RBM44: variants seen among roughly 807,000 people sequenced by gnomAD.
The protein encoded by RBM44 is RNA-binding protein 44.
A neutral mutation model predicts 105.1 loss-of-function variants in RBM44; 66 were observed. The observed-to-expected ratio is 0.63, with a 90% CI of 0.52 to 0.77. The LOEUF (loss-of-function observed/expected upper bound fraction) is 0.77. RBM44 is among the 30% of genes least tolerant of loss of function. RBM44 has a pLI of 0.00. For synonymous variants in RBM44, 365 were observed against 417.6 expected, an observed-to-expected ratio of 0.87 and a Z score of 1.54; for missense variants, 1,122 against 1,207.8, an observed-to-expected ratio of 0.93 and a Z score of 1.05.
intron 1 of RBM44, among the ~76,000 whole-genome samples, chr2:237,812,526 T>A (rs1325650945): frequency 6.6e-6 from 1 of 152,224 alleles, no homozygotes; most frequent in Non-Finnish European, 1.5e-5. Flanking sequence ...ATCTGCTTTT[T>A]AATATCTTCT....
At chr2:237,820,816 G>A (rs1308607911) in intron 5 of RBM44, 3 of 328,576 alleles carry the variant, frequency 9.1e-6, no homozygotes, top group Non-Finnish European at 1.6e-5. Flanking sequence ...GGGAAGCTGA[G>A]GCAGGAGAAT....
At chr2:237,822,617 T>A (rs1413677769) in intron 8 of RBM44, among the ~76,000 whole-genome samples, 5 of 152,220 alleles carry the variant, frequency 3.3e-5, no homozygotes, top group Middle Eastern at 3.4e-3. Context: ...AATTCTTTTT[T>A]AAAAAATCTC....
intron 1 of RBM44, among the ~76,000 whole-genome samples, chr2:237,809,075 A>G (rs1015553703): frequency 4.6e-5 from 7 of 152,186 alleles, no homozygotes; most frequent in African/African-American, 1.7e-4. Context: ...CATGACCCTT[A>G]ATAACACAAT....
rs182081571 is a variant in RBM44 at position 237,801,915 on chromosome 2, A to T, written c.-19+3054A>T. ...ACTTTGTGAATCCCAAAGTAGGTACAGGTTATATTTTTCTTGGTGAGAATT... is the reference window on the plus strand; with the variant it reads ...ACTTTGTGAATCCCAAAGTAGGTACTGGTTATATTTTTCTTGGTGAGAATT... On this transcript the variant is annotated intron_variant, in intron 1 of 15. Transcript: ENST00000316997. Among the ~76,000 whole-genome samples, 31 of 152,180 alleles carry T rather than the reference A, an allele frequency of 2.0e-4. No homozygotes were observed. In the East Asian group the frequency reaches 5.2e-3, roughly 26 times the overall value.
chr2:237,838,943 C>G (rs1054002465), intron 15 of RBM44, among the ~76,000 whole-genome samples: 4 of 152,192 alleles, frequency 2.6e-5, no homozygotes, highest in Non-Finnish European at 5.9e-5. Flanking sequence ...TGTAGTTGCC[C>G]TCTGCCTAGC....
rs2062020546 is a variant in RBM44 at position 237,842,402 on chromosome 2, T to A, written c.*586T>A. ...GTCATGATACATTTCATGCATTTTT[T>A]ATGACTTCAGTATAAAACATTCAGG... is the stretch of plus-strand genomic sequence containing the variant. On this transcript the variant is annotated 3_prime_UTR_variant, in exon 16 of 16. Coordinates refer to ENST00000316997, the MANE Select transcript of RBM44 (RefSeq NM_001080504.3). 6.6e-6 allele frequency: 1 copy of A among 152,130 alleles called. No homozygotes were observed. The highest frequency in any genetic ancestry group is 1.5e-5 in the Non-Finnish European group (1 of 67,958). The allele number at this position is 152,130 out of a possible 1,614,324, so 9.4% of individuals were successfully genotyped here. A position where few individuals can be genotyped will look rare whatever the true frequency, so the allele number is the denominator to read the frequency against.
chr2:237,821,352 A>C lies in RBM44; in HGVS notation c.2104A>C (p.Lys702Gln), dbSNP rs1160847467. Residue 702 changes from lysine to glutamine, a missense_variant, in exon 7 of 16, where the codon AAA (lysine) becomes CAA (glutamine). Physicochemically the swap from Lys to Gln is moderately conservative, Grantham distance 53 (BLOSUM62 1). Around this residue, in one of 3 missense-constraint regions of RBM44, gnomAD observed 918 missense variants for 955.3 expected, o/e 0.96. Coordinates refer to ENST00000316997, the MANE Select transcript of RBM44 (RefSeq NM_001080504.3). ...TCCTTTTCTCTCCTTCCAGCTAATGAAAAAAGAAACACATGTGTGAGTTAT... is the reference window on the plus strand; with the variant it reads ...TCCTTTTCTCTCCTTCCAGCTAATGCAAAAAGAAACACATGTGTGAGTTAT... ...TFSTFASRLM[K>Q]KETHVFSEAD... The C allele has an allele frequency of 5.1e-6, 8 of 1,563,856 alleles. No homozygotes were observed. The East Asian group carries it at 1.8e-4, about 36-fold the overall frequency.
intron 1 of RBM44, among the ~76,000 whole-genome samples, chr2:237,799,902 T>C (rs1265682858): frequency 6.6e-6 from 1 of 152,162 alleles, no homozygotes; most frequent in African/African-American, 2.4e-5. Flanking sequence ...GCGAGTCCTG[T>C]GGTTTCTGGC....
At position 237,842,185 on chromosome 2, in the gene RBM44, G is replaced by A. The variant is rs1002480995; in HGVS notation, c.*369G>A. 6.6e-6 allele frequency: 1 copy of A among 152,008 alleles called. No individual in the cohort carries two copies. The highest frequency in any genetic ancestry group is 2.4e-5 in the African/African-American group (1 of 41,424). 9.4% of individuals were successfully genotyped at this position (152,008 alleles called of 1,614,324 possible). A position where few individuals can be genotyped will look rare whatever the true frequency, so the allele number is the denominator to read the frequency against. Reference sequence around the variant, plus strand: ...ACTTTTAAAATGTATTGACCAAGAAGGAGGTTTGTTGTTACATCAATGTTT... The same window carrying A: ...ACTTTTAAAATGTATTGACCAAGAAAGAGGTTTGTTGTTACATCAATGTTT... On this transcript the variant is annotated 3_prime_UTR_variant, in exon 16 of 16. Coordinates refer to ENST00000316997, the MANE Select transcript of RBM44 (RefSeq NM_001080504.3).
intron 10 of RBM44, among the ~76,000 whole-genome samples, chr2:237,827,033 CTT>C (rs2061854233): frequency 6.6e-6 from 1 of 152,114 alleles, no homozygotes; most frequent in African/African-American, 2.4e-5. Context: ...AACCCAGCCT[CTT>C]TAGTTTTTAA....
intron 5 of RBM44, 127 bp downstream of exon 5, chr2:237,820,478 T>C (rs1456693988): frequency 5.0e-6 from 3 of 597,540 alleles, no homozygotes; most frequent in Non-Finnish European, 8.5e-6. Context: ...CTGGGTTTGT[T>C]AGTTAGCCTA....
rs1288128045 is a variant in RBM44, at chr2:237,817,957, T to G, written c.1038T>G (p.Ile346Met). Reference protein sequence around the residue: ...NEGKDFCGNKIVENKILLHLE... With the variant: ...NEGKDFCGNKMVENKILLHLE... ...GTAAAGATTTTTGTGGAAATAAAAT[T>G]GTTGAGAACAAAATATTACTGCACC... Residue 346 changes from isoleucine (I) to methionine (M), a missense_variant, in exon 3 of 16, where the codon ATT (isoleucine) becomes ATG (methionine). This residue lies in a region of RBM44 where 918 missense variants were observed against 955.3 expected (regional missense o/e 0.96). Coordinates refer to ENST00000316997, the MANE Select transcript of RBM44 (RefSeq NM_001080504.3). 1 of 1,605,102 alleles carries G rather than the reference T, an allele frequency of 6.2e-7. No individual in the cohort carries two copies. Among genetic ancestry groups the G allele is most frequent in the African/African-American group, 1.3e-5 (1 of 74,080 alleles).
intron 12 of RBM44, among the ~76,000 whole-genome samples, chr2:237,828,696 G>A (rs1215883016): frequency 2.6e-5 from 4 of 151,984 alleles, no homozygotes; most frequent in Non-Finnish European, 5.9e-5. Context: ...CAACTTTCTT[G>A]TATATATAAT....
In RBM44 at chr2:237,818,508, G is replaced by A. The variant is rs1384422301; in HGVS notation, c.1589G>A (p.Cys530Tyr). The change falls in exon 3 of 16, where the codon TGT becomes TAT. Residue 530 changes from cysteine (C) to tyrosine (Y), a missense_variant. Physicochemically the swap from Cys to Tyr is radical, Grantham distance 194. This residue lies in a region of RBM44 where 918 missense variants were observed against 955.3 expected (regional missense o/e 0.96). Coordinates refer to ENST00000316997, the MANE Select transcript of RBM44 (RefSeq NM_001080504.3). The surrounding 1 kb of genome is among the most constrained non-coding windows in gnomAD (Gnocchi z 4.6). The part of the protein sequence containing the change: ...CSTDWSYSED[C>Y]IDTQMAITKG... ...ACAGATTGGTCATACAGTGAAGATTGTATAGATACACAGATGGCTATAACA... is the reference window on the plus strand; with the variant it reads ...ACAGATTGGTCATACAGTGAAGATTATATAGATACACAGATGGCTATAACA... 1.2e-6 allele frequency: 2 copies of A among 1,611,048 alleles called. No homozygotes were observed. The highest frequency in any genetic ancestry group is 2.2e-5 in the South Asian group (2 of 90,732).
intron 2 of RBM44, 140 bp downstream of exon 2, chr2:237,813,822 G>A (rs2061684707): frequency 1.7e-6 from 1 of 596,710 alleles, no homozygotes; most frequent in Non-Finnish European, 3.0e-6. Flanking sequence ...TTTTTAACTT[G>A]CCAAATTGAC....
At chr2:237,825,486 G>A (rs181341415) in intron 10 of RBM44, among the ~76,000 whole-genome samples, 46 of 152,268 alleles carry the variant, frequency 3.0e-4, no homozygotes, top group Non-Finnish European at 6.6e-4. Context: ...GATTAGAGGC[G>A]TGAGCCACTG....
chr2:237,818,936 A>G lies in RBM44; in HGVS notation c.1713A>G (p.Thr571=). ...AATTAAGAAAAGCATGTGGTATCAC[A>G]GACCTAAAGAAACATCCTGAGAGGT... is the stretch of plus-strand genomic sequence containing the variant. ...FLELRKACGI[T]DLKKHPEREF... The change falls in exon 4 of 16, where the codon ACA becomes ACG. Residue 571 remains threonine, a synonymous_variant. Transcript: ENST00000316997. The surrounding 1 kb of genome is among the most constrained non-coding windows in gnomAD (Gnocchi z 4.6). 1.3e-6 allele frequency: 2 copies of G among 1,483,572 alleles called. No homozygotes were observed. The highest frequency in any genetic ancestry group is 1.8e-6 in the Non-Finnish European group (2 of 1,091,680). The allele number at this position is 1,483,572 out of a possible 1,614,324, so 91.9% of individuals were successfully genotyped here. A position where few individuals can be genotyped will look rare whatever the true frequency, so the allele number is the denominator to read the frequency against.
chr2:237,842,251 A>C lies in RBM44; in HGVS notation c.*435A>C, dbSNP rs2062018927. On this transcript the variant is annotated 3_prime_UTR_variant, in exon 16 of 16. Transcript: ENST00000316997. ...TACATAAAAAATGTAATTTACCTGAACTTTGTCTTAAGACTCTTACATTGG... is the reference window on the plus strand; with the variant it reads ...TACATAAAAAATGTAATTTACCTGACCTTTGTCTTAAGACTCTTACATTGG... 6.6e-6 allele frequency: 1 copy of C among 152,142 alleles called. No homozygotes were observed. The allele number at this position is 152,142 out of a possible 1,614,324, so 9.4% of individuals were successfully genotyped here. A position where few individuals can be genotyped will look rare whatever the true frequency, so the allele number is the denominator to read the frequency against.
chr2:237,828,584 A>G (rs2061872242), intron 12 of RBM44, among the ~76,000 whole-genome samples: 1 of 152,282 alleles, frequency 6.6e-6, no homozygotes, highest in East Asian at 1.9e-4. Flanking sequence ...AAATGTATCC[A>G]TAGTCCCATC....
Sources: gnomAD v4.1 joint callset for allele counts (sites outside exome capture counted in the v4.1 genomes callset) on GRCh38, gnomAD v4.1.1 for gene constraint, gnomAD v4.1.1 regional missense constraint, Gnocchi (gnomAD v3.1) non-coding constraint, MANE v1.5 for transcripts, NCBI Gene and HGNC (gene_info 2026-07-23, HGNC 2026-07-21) for gene names.